CCDC91: variants seen among roughly 807,000 people sequenced by gnomAD.
CCDC91 encodes the protein coiled-coil domain-containing protein 91.
Under a neutral mutation model 63.2 loss-of-function variants are expected in CCDC91, and 48 were observed. The observed-to-expected ratio is 0.76, with a 90% confidence interval of 0.60 to 0.97. The LOEUF (loss-of-function observed/expected upper bound fraction) is 0.97. Among genes scored for constraint, CCDC91 ranks in the 50% least tolerant of loss-of-function variants. CCDC91 has a pLI of 0.00. For synonymous variants in CCDC91, 167 were observed against 165.8 expected (o/e 1.01, Z -0.06); for missense variants, 500 against 494.6 (o/e 1.01, Z -0.10).
chr12:28,191,043 G>A (rs35098487), intron 1 of CCDC91, among the ~76,000 whole-genome samples: 40,527 of 152,200 alleles, frequency 0.27, 5,901 homozygotes, highest in East Asian at 0.57. Flanking sequence ...ACTTTGCCAA[G>A]TACATTGGGG....
intron 8 of CCDC91, among the ~76,000 whole-genome samples, chr12:28,416,903 G>T (rs1056250974): frequency 4.6e-5 from 7 of 152,052 alleles, no homozygotes; most frequent in African/African-American, 1.7e-4. Context: ...TATGATTATG[G>T]ACATAAATAT....
intron 1 of CCDC91, among the ~76,000 whole-genome samples, chr12:28,248,995 A>T (rs1342376628): frequency 2.0e-5 from 3 of 152,182 alleles, no homozygotes; most frequent in African/African-American, 7.2e-5. Flanking sequence ...AGCTGAGTAC[A>T]GATGCTGGTA....
chr12:28,477,796 A>G (rs1566035856), intron 11 of CCDC91, among the ~76,000 whole-genome samples: 2 of 152,168 alleles, frequency 1.3e-5, no homozygotes, highest in Non-Finnish European at 2.9e-5. Context: ...TGCAAAAATC[A>G]CAAGCACTCT....
chr12:28,338,539 A>C (rs1253037125), intron 6 of CCDC91, among the ~76,000 whole-genome samples: 1 of 152,162 alleles, frequency 6.6e-6, no homozygotes, highest in Admixed American at 6.5e-5. Flanking sequence ...AATCATGCAA[A>C]TAATAGAGAG....
At chr12:28,390,471 A>T (rs866471937) in intron 7 of CCDC91, among the ~76,000 whole-genome samples, 1 of 152,178 alleles carries the variant, frequency 6.6e-6, no homozygotes, top group Non-Finnish European at 1.5e-5. Flanking sequence ...TATTACTGAG[A>T]ACTTGTTGAT....
At chr12:28,218,191 C>T (rs1274270681) in intron 1 of CCDC91, among the ~76,000 whole-genome samples, 3 of 152,028 alleles carry the variant, frequency 2.0e-5, no homozygotes, top group South Asian at 2.1e-4. Context: ...TTGGTAGCTA[C>T]TGTAGTTCTG....
chr12:28,198,961 T>C (rs1345781117), intron 1 of CCDC91: 1 of 151,860 alleles, frequency 6.6e-6, no homozygotes, highest in Non-Finnish European at 1.5e-5. Flanking sequence ...TCGCCTAAGC[T>C]GAAGTGTAGT....
At chr12:28,461,568 C>A (rs182734526) in intron 11 of CCDC91, among the ~76,000 whole-genome samples, 7 of 151,988 alleles carry the variant, frequency 4.6e-5, no homozygotes, top group Admixed American at 3.3e-4. Flanking sequence ...GGTTAAGTAG[C>A]CTAAGTTTTC....
At chr12:28,274,758 T>C (rs1367560560) in intron 3 of CCDC91, among the ~76,000 whole-genome samples, 1 of 152,136 alleles carries the variant, frequency 6.6e-6, no homozygotes, top group Non-Finnish European at 1.5e-5. Context: ...CGATGGAGTT[T>C]TGTAGGTATA....
intron 7 of CCDC91, among the ~76,000 whole-genome samples, chr12:28,387,140 G>A (rs1945654354): frequency 6.6e-6 from 1 of 152,120 alleles, no homozygotes; most frequent in Non-Finnish European, 1.5e-5. Context: ...ACTTATAAAG[G>A]CATGTGGCTA....
intron 8 of CCDC91, among the ~76,000 whole-genome samples, chr12:28,419,270 A>T (rs550894460): frequency 1.3e-5 from 2 of 152,278 alleles, no homozygotes; most frequent in East Asian, 3.9e-4. Flanking sequence ...AAGACCATTT[A>T]ATCTCACTTT....
intron 1 of CCDC91, among the ~76,000 whole-genome samples, chr12:28,214,018 A>G (rs1031676718): frequency 2.0e-5 from 3 of 152,112 alleles, no homozygotes; most frequent in African/African-American, 7.2e-5. Context: ...TGGAAACAGG[A>G]GTGGCACCAG....
intron 11 of CCDC91, among the ~76,000 whole-genome samples, chr12:28,477,810 A>G (rs1951194950): frequency 6.6e-6 from 1 of 152,172 alleles, no homozygotes; most frequent in Non-Finnish European, 1.5e-5. Context: ...GCACTCTTAT[A>G]CACCAATAAC....
intron 12 of CCDC91, among the ~76,000 whole-genome samples, chr12:28,515,171 C>T (rs1381655101): frequency 6.6e-6 from 1 of 151,734 alleles, no homozygotes; most frequent in African/African-American, 2.4e-5. Flanking sequence ...CTCCAGATCT[C>T]AAAACCAGTG....
At chr12:28,529,213 C>T (rs1458553877) in intron 12 of CCDC91, among the ~76,000 whole-genome samples, 2 of 152,128 alleles carry the variant, frequency 1.3e-5, no homozygotes, top group Admixed American at 6.6e-5. Context: ...GTGTTTGTTT[C>T]TTATATGTCT....
At chr12:28,453,624 A>G (rs1346977513) in intron 11 of CCDC91, among the ~76,000 whole-genome samples, 1 of 151,400 alleles carries the variant, frequency 6.6e-6, no homozygotes, top group African/African-American at 2.4e-5. Context: ...TTAAAATAAC[A>G]GTAGTACAGT....
chr12:28,538,550 AGT>A (rs1438982406), intron 12 of CCDC91, among the ~76,000 whole-genome samples: 1 of 152,092 alleles, frequency 6.6e-6, no homozygotes, highest in Non-Finnish European at 1.5e-5. Context: ...TATTGTGAAT[AGT>A]GCCACAATAA....
Position 28,439,169 on chromosome 12 carries a change from G to A in CCDC91, c.763-10992G>A, listed in dbSNP as rs1592677014. 4.6e-5 allele frequency among the ~76,000 whole-genome samples: 7 copies of A among 152,146 alleles called. No homozygotes were observed. In the South Asian group the frequency reaches 1.2e-3, roughly 27 times the overall value. ...TCAGTAATATGGCTATTTGGTTGAAGTAAATCTGCTATTATAGTTTTATGT... is the reference window on the plus strand; with the variant it reads ...TCAGTAATATGGCTATTTGGTTGAAATAAATCTGCTATTATAGTTTTATGT... On this transcript the variant is annotated intron_variant, in intron 8 of 12. Coordinates refer to ENST00000536442, the MANE Select transcript of CCDC91 (RefSeq NM_018318.5).
At chr12:28,194,950 G>A (rs1005618777) in intron 1 of CCDC91, among the ~76,000 whole-genome samples, 5 of 152,190 alleles carry the variant, frequency 3.3e-5, no homozygotes, top group South Asian at 2.1e-4. Context: ...AAGATAGTGC[G>A]GACCCAAAGA....
Sources: allele counts gnomAD v4.1 joint callset (sites outside exome capture counted in the v4.1 genomes callset), GRCh38; gene constraint gnomAD v4.1.1; transcripts MANE v1.5; gene names NCBI Gene and HGNC (gene_info 2026-07-23, HGNC 2026-07-21).